GRIK4: variants seen among roughly 807,000 people sequenced by gnomAD.
GRIK4 encodes the protein glutamate receptor ionotropic, kainate 4.
In GRIK4, 40 loss-of-function variants were observed where a neutral mutation model predicts 104.9. That is an observed-to-expected ratio of 0.38 (90% CI 0.30 to 0.50). The LOEUF (loss-of-function observed/expected upper bound fraction) is 0.50. Among genes scored for constraint, GRIK4 ranks in the 20% least tolerant of loss-of-function variants. GRIK4 has a pLI of 0.93. For synonymous variants in GRIK4, 485 were observed against 524.9 expected, an observed-to-expected ratio of 0.92 and a Z score of 1.04; for missense variants, 1,047 against 1,308.1, an observed-to-expected ratio of 0.80 and a Z score of 3.08.
chr11:120,872,098 G>C (rs1233555208), intron 9 of GRIK4: 4 of 356,880 alleles, frequency 1.1e-5, no homozygotes, highest in Admixed American at 3.7e-5. Flanking sequence ...GCTAACATCT[G>C]TCTGGACCTG....
rs745520320 is a variant in GRIK4, at chr11:120,967,944, AT to A, written c.2395+622del. On this transcript the variant is annotated intron_variant, in intron 19 of 20. Coordinates refer to ENST00000527524, the MANE Select transcript of GRIK4 (RefSeq NM_014619.5). The surrounding 1 kb of genome is among the most constrained non-coding windows in gnomAD (Gnocchi z 4.2). ...ACTCCCACCCTACACATTTCTCTCC[AT>A]CACCTTAACCCCACCTTATTTCCCT... Among the ~76,000 whole-genome samples, 1 of 151,460 alleles carries A rather than the reference AT, an allele frequency of 6.6e-6. No individual in the cohort carries two copies. The highest frequency in any genetic ancestry group is 1.5e-5 in the Non-Finnish European group (1 of 67,830).
Position 120,956,935 on chromosome 11 carries a change from G to A in GRIK4, c.1856G>A (p.Arg619His), listed in dbSNP as rs534517447. 22 of 1,610,268 alleles carry A rather than the reference G, an allele frequency of 1.4e-5. No homozygotes were observed. Among genetic ancestry groups the A allele is most frequent in the Middle Eastern group, 1.7e-4 (1 of 6,050 alleles). Residue 619 changes from arginine (R) to histidine (H), a missense_variant, in exon 16 of 21, where the codon CGC (arginine) becomes CAC (histidine). Physicochemically the swap from Arg to His is conservative, Grantham distance 29 (BLOSUM62 0). Around this residue, in one of 3 missense-constraint regions of GRIK4, gnomAD observed 440 missense variants for 652.3 expected, o/e 0.67. Transcript: ENST00000527524. This position sits in a 1 kb window ranked among gnomAD's most constrained non-coding sequence, Gnocchi z 4.6. ...STIAPRALST[R>H]CVSGVWWAFT... is the part of the protein sequence containing the mutation. ...ATCGCCCCTCGCGCCTTATCCACCC[G>A]CTGTGTCAGTGGCGTCTGGTAAGGC...
intron 4 of GRIK4, among the ~76,000 whole-genome samples, chr11:120,812,668 A>G (rs1189179543): frequency 6.6e-6 from 1 of 152,240 alleles, no homozygotes; most frequent in African/African-American, 2.4e-5. Flanking sequence ...CTAGTAAGTG[A>G]CAGAGACTCA....
intron 4 of GRIK4, among the ~76,000 whole-genome samples, chr11:120,810,406 G>T (rs140991045): frequency 2.8e-4 from 42 of 152,284 alleles, no homozygotes; most frequent in African/African-American, 9.6e-4. Flanking sequence ...AGGAAGCTGC[G>T]CTGTCTCCTA....
intron 3 of GRIK4, among the ~76,000 whole-genome samples, chr11:120,781,712 G>A (rs543881335): frequency 1.2e-4 from 18 of 152,290 alleles, no homozygotes; most frequent in African/African-American, 3.6e-4. Flanking sequence ...TGGTGCAGAG[G>A]GATGCAAGCG....
intron 6 of GRIK4, among the ~76,000 whole-genome samples, chr11:120,822,494 G>T (rs1953153771): frequency 6.6e-6 from 1 of 152,172 alleles, no homozygotes; most frequent in African/African-American, 2.4e-5. Context: ...GTTTCCTCTG[G>T]ATCTGTGATG....
intron 20 of GRIK4, among the ~76,000 whole-genome samples, chr11:120,984,284 T>C (rs1364700393): frequency 6.6e-6 from 1 of 152,202 alleles, no homozygotes; most frequent in Non-Finnish European, 1.5e-5. Context: ...TCTGCTCCCA[T>C]ATGGTCTAGG....
chr11:120,579,056 T>A lies in GRIK4; in HGVS notation c.-159+67169T>A, dbSNP rs1376255538. 2.0e-5 allele frequency among the ~76,000 whole-genome samples: 3 copies of A among 152,184 alleles called. No individual in the cohort carries two copies. In the East Asian group the frequency reaches 5.8e-4, roughly 29 times the overall value. On this transcript the variant is annotated intron_variant, in intron 1 of 20. Coordinates refer to ENST00000527524, the MANE Select transcript of GRIK4 (RefSeq NM_014619.5). ...CCAGGAAGGCTTGGAGGCATACTCC[T>A]ACCTGAATATGATAGTCCAGCCCAA...
intron 1 of GRIK4, among the ~76,000 whole-genome samples, chr11:120,631,208 T>C (rs1949328726): frequency 6.6e-6 from 1 of 152,266 alleles, no homozygotes; most frequent in Non-Finnish European, 1.5e-5. Flanking sequence ...ATTGTCGTCA[T>C]TTCATTGTAT....
intron 3 of GRIK4, among the ~76,000 whole-genome samples, chr11:120,758,924 G>T (rs1474046932): frequency 6.6e-6 from 1 of 152,190 alleles, no homozygotes; most frequent in Non-Finnish European, 1.5e-5. Flanking sequence ...TGGGGATACA[G>T]TAGAGAACAA....
At chr11:120,658,215 C>A (rs566750004) in intron 2 of GRIK4, among the ~76,000 whole-genome samples, 1 of 151,690 alleles carries the variant, frequency 6.6e-6, no homozygotes, top group African/African-American at 2.4e-5. Flanking sequence ...ATGTGGTTGT[C>A]GATTATTCAT....
intron 14 of GRIK4, among the ~76,000 whole-genome samples, chr11:120,950,478 T>C (rs1943973875): frequency 6.6e-6 from 1 of 152,098 alleles, no homozygotes; most frequent in African/African-American, 2.4e-5. Flanking sequence ...ATCTAATGGG[T>C]TTTCAGATTC....
At chr11:120,571,551 C>T (rs1948399755) in intron 1 of GRIK4, among the ~76,000 whole-genome samples, 1 of 152,158 alleles carries the variant, frequency 6.6e-6, no homozygotes, top group Non-Finnish European at 1.5e-5. Context: ...AAACCCAGGT[C>T]TGCTGGTTTA....
At chr11:120,900,539 G>A (rs1326852940) in intron 12 of GRIK4, among the ~76,000 whole-genome samples, 1 of 152,166 alleles carries the variant, frequency 6.6e-6, no homozygotes, top group African/African-American at 2.4e-5. Context: ...ACAGTAAAAA[G>A]CAATGTTGTC....
rs776066763 is a variant in GRIK4 at position 120,961,074 on chromosome 11, A to C, written c.2040A>C (p.Gln680His). 1.5e-5 allele frequency: 25 copies of C among 1,613,734 alleles called. No homozygotes were observed. The highest frequency in any genetic ancestry group is 2.7e-5 in the African/African-American group (2 of 75,062). ...GAGGCTCCAGCATGACCTTCTTCCA[A>C]GTAAACCCCATTTGGTTGCTCACCA... is the stretch of plus-strand genomic sequence containing the variant. ...IHGGSSMTFF[Q>H]NSRYQTYQRM... The change falls in exon 17 of 21, where the codon CAA becomes CAC. Residue 680 changes from glutamine to histidine, a missense_variant and splice_region_variant. Around this residue, in one of 3 missense-constraint regions of GRIK4, gnomAD observed 440 missense variants for 652.3 expected, o/e 0.67. Coordinates refer to ENST00000527524, the MANE Select transcript of GRIK4 (RefSeq NM_014619.5).
chr11:120,516,507 G>A (rs1565534579), intron 1 of GRIK4, among the ~76,000 whole-genome samples: 2 of 152,020 alleles, frequency 1.3e-5, no homozygotes, highest in African/African-American at 2.4e-5. Flanking sequence ...GGGGTGGGTA[G>A]AACTGCTGGA....
intron 3 of GRIK4, among the ~76,000 whole-genome samples, chr11:120,791,407 T>C (rs555232567): frequency 6.6e-6 from 1 of 152,356 alleles, no homozygotes; most frequent in South Asian, 2.1e-4. Flanking sequence ...TACAACTTCT[T>C]TGGTGAAATG....
intron 3 of GRIK4, among the ~76,000 whole-genome samples, chr11:120,729,139 C>T (rs141198455): frequency 0.026 from 3,983 of 152,288 alleles, 68 homozygotes; most frequent in Middle Eastern, 0.044. Context: ...ATATGTACCA[C>T]ATTTTCTTTA....
chr11:120,670,930 C>T (rs1040262587), intron 3 of GRIK4, among the ~76,000 whole-genome samples: 1 of 152,078 alleles, frequency 6.6e-6, no homozygotes, highest in African/African-American at 2.4e-5. Context: ...TGTTCAACTC[C>T]CACTTATGAG....
Sources: allele counts gnomAD v4.1 joint callset (sites outside exome capture counted in the v4.1 genomes callset), GRCh38; gene constraint gnomAD v4.1.1; regional missense constraint gnomAD v4.1.1; non-coding constraint Gnocchi (gnomAD v3.1); transcripts MANE v1.5; gene names NCBI Gene and HGNC (gene_info 2026-07-23, HGNC 2026-07-21).